Variants in NEBL observed in about 807,000 individuals in gnomAD.
The protein encoded by NEBL is LIM and SH3 protein 2.
In NEBL, 122 loss-of-function variants were observed where a neutral mutation model predicts 140.2. That is an observed-to-expected ratio of 0.87 (90% CI 0.75 to 1.01). The LOEUF is 1.01. NEBL is among the 50% of genes least tolerant of loss of function. The pLI, the probability that NEBL is intolerant of heterozygous loss-of-function variation, is 0.00. For missense variants in NEBL, 1,365 were observed against 1,231.3 expected (o/e 1.11, Z -1.62); for synonymous variants, 436 against 398.9 (o/e 1.09, Z -1.11).
In NEBL at chr10:21,173,697, A is replaced by C. The variant is rs558746661; in HGVS notation, c.69+68T>G. 2.4e-5 allele frequency: 39 copies of C among 1,607,154 alleles called. No individual in the cohort carries two copies. In the African/African-American group the frequency reaches 4.5e-4, roughly 19 times the overall value. ...TCATTGCTTTCCATCCCAGGTGCCAAAACTTCTCGAAGCAGGTGCAGCCCC... is the reference window on the plus strand; with the variant it reads ...TCATTGCTTTCCATCCCAGGTGCCACAACTTCTCGAAGCAGGTGCAGCCCC... On this transcript the variant is annotated intron_variant, in intron 1 of 6. Coordinates refer to the NEBL transcript ENST00000417816. The surrounding 1 kb of genome is among the most constrained non-coding windows in gnomAD (Gnocchi z 5.7).
chr10:21,112,860 C>A, intron 2 of NEBL: 1 of 284,894 alleles, frequency 3.5e-6, no homozygotes, highest in Admixed American at 3.8e-5. Flanking sequence ...AGGGCCTGTA[C>A]ATATTCATAG....
chr10:21,170,315 G>C (rs1841017456), intron 2 of NEBL: 1 of 152,142 alleles, frequency 6.6e-6, no homozygotes, highest in Non-Finnish European at 1.5e-5. Flanking sequence ...TATCACTGGG[G>C]TTAAATTCCT....
intron 2 of NEBL, among the ~76,000 whole-genome samples, chr10:21,099,164 A>G (rs1837350669): frequency 6.6e-6 from 1 of 152,212 alleles, no homozygotes; most frequent in Non-Finnish European, 1.5e-5. Context: ...AACAGAGTGA[A>G]GCATATATAC....
At chr10:21,232,367 C>T (rs1439944913) in intron 3 of NEBL, among the ~76,000 whole-genome samples, 5 of 151,976 alleles carry the variant, frequency 3.3e-5, no homozygotes, top group South Asian at 4.1e-4. Context: ...GACCAAGGGT[C>T]GGTCGGGGGG....
intron 4 of NEBL, among the ~76,000 whole-genome samples, chr10:20,958,589 T>C (rs574122404): frequency 6.6e-6 from 1 of 152,330 alleles, no homozygotes; most frequent in East Asian, 1.9e-4. Context: ...AATATTAATA[T>C]ATTCAATGAG....
intron 26 of NEBL, among the ~76,000 whole-genome samples, chr10:20,801,966 G>A (rs1023114007): frequency 1.3e-5 from 2 of 152,170 alleles, no homozygotes; most frequent in African/African-American, 2.4e-5. Flanking sequence ...GAAAGGCCAC[G>A]AGGTTGGAAA....
chr10:20,868,422 T>A, intron 7 of NEBL: 2 of 481,116 alleles, frequency 4.2e-6, no homozygotes, highest in South Asian at 2.2e-5. Flanking sequence ...CTAGAGACAT[T>A]GAAAAATGTT....
chr10:21,200,926 T>G (rs1478715316), intron 3 of NEBL, among the ~76,000 whole-genome samples: 2 of 151,794 alleles, frequency 1.3e-5, no homozygotes, highest in Admixed American at 6.6e-5. Context: ...ATATCCCGTC[T>G]AAAAAAATAA....
chr10:21,049,519 C>A (rs1254891684), intron 2 of NEBL, among the ~76,000 whole-genome samples: 1 of 152,072 alleles, frequency 6.6e-6, no homozygotes, highest in South Asian at 2.1e-4. Flanking sequence ...GTCATCTGTG[C>A]GATTTTCATA....
chr10:21,068,212 G>C (rs906823563), intron 2 of NEBL, among the ~76,000 whole-genome samples: 1 of 152,140 alleles, frequency 6.6e-6, no homozygotes, highest in Non-Finnish European at 1.5e-5. Flanking sequence ...CTTTTATAAA[G>C]TTAAAAAAGC....
intron 26 of NEBL, among the ~76,000 whole-genome samples, chr10:20,801,653 G>C (rs190392285): frequency 6.6e-6 from 1 of 152,070 alleles, no homozygotes; most frequent in Admixed American, 6.6e-5. Context: ...ACACATACAA[G>C]AGATACTAGA....
chr10:21,284,635 A>G (rs971632855), intron 1 of NEBL, among the ~76,000 whole-genome samples: 1 of 152,196 alleles, frequency 6.6e-6, no homozygotes, highest in Non-Finnish European at 1.5e-5. Context: ...GGAGTGCTAT[A>G]TAAATGCAAA....
At chr10:21,004,952 A>T (rs1838070848) in intron 3 of NEBL, among the ~76,000 whole-genome samples, 1 of 152,186 alleles carries the variant, frequency 6.6e-6, no homozygotes, top group Admixed American at 6.5e-5. Flanking sequence ...GTCTTTAGGC[A>T]TTTCTATGGA....
intron 2 of NEBL, among the ~76,000 whole-genome samples, chr10:21,129,727 A>T (rs1487045894): frequency 3.9e-5 from 6 of 152,088 alleles, no homozygotes; most frequent in Non-Finnish European, 8.8e-5. Context: ...AAAAAAAAAT[A>T]CTTTAAAAAG....
intron 7 of NEBL, among the ~76,000 whole-genome samples, chr10:20,862,170 G>A (rs1182322889): frequency 1.3e-5 from 2 of 152,114 alleles, no homozygotes; most frequent in South Asian, 2.1e-4. Flanking sequence ...TGAACCACTA[G>A]AAGTCAGGGA....
chr10:20,941,839 T>C (rs1330586771), intron 4 of NEBL, among the ~76,000 whole-genome samples: 4 of 152,004 alleles, frequency 2.6e-5, no homozygotes, highest in South Asian at 4.2e-4. Context: ...CCATTCACAA[T>C]TGCTTCAAAG....
At position 20,840,848 on chromosome 10, in the gene NEBL, T is replaced by C; in HGVS notation, c.1229A>G (p.Lys410Arg). 6.6e-7 allele frequency: 1 copy of C among 1,522,912 alleles called. No homozygotes were observed. The highest frequency in any genetic ancestry group is 1.4e-5 in the African/African-American group (1 of 73,174). 94.3% of individuals were successfully genotyped at this position (1,522,912 alleles called of 1,614,324 possible). A position where few individuals can be genotyped will look rare whatever the true frequency, so the allele number is the denominator to read the frequency against. ...ATTTTCCAAATCTTTTTTATATTCT[T>C]TCTATGAGACAAGAATATCACAGTT... Reference protein sequence around the residue: ...VKYITNLLREKEYKKDLENEI... With the variant: ...VKYITNLLREREYKKDLENEI... Residue 410 changes from lysine (K) to arginine (R), a missense_variant and splice_region_variant, in exon 13 of 28, where the codon AAA (lysine) becomes AGA (arginine). Physicochemically the swap from Lys to Arg is conservative, Grantham distance 26. Transcript: ENST00000377122.
At chr10:21,086,490 G>C (rs1836635733) in intron 2 of NEBL, among the ~76,000 whole-genome samples, 1 of 152,170 alleles carries the variant, frequency 6.6e-6, no homozygotes, top group African/African-American at 2.4e-5. Flanking sequence ...TTAGAAATCA[G>C]TGTCTAGTCG....
At chr10:21,189,504 T>G (rs1035395003) in intron 3 of NEBL, among the ~76,000 whole-genome samples, 14 of 152,224 alleles carry the variant, frequency 9.2e-5, no homozygotes, top group Non-Finnish European at 1.6e-4. Flanking sequence ...TCACTCTGTC[T>G]CCCAGGCTGG....
Sources: gnomAD v4.1 joint callset for allele counts (sites outside exome capture counted in the v4.1 genomes callset) on GRCh38, gnomAD v4.1.1 for gene constraint, Gnocchi (gnomAD v3.1) non-coding constraint, MANE v1.5 for transcripts, NCBI Gene and HGNC (gene_info 2026-07-23, HGNC 2026-07-21) for gene names.